NRG2: variants seen among roughly 807,000 people sequenced by gnomAD.
NRG2 encodes the protein pro-neuregulin-2, membrane-bound isoform.
Under a neutral mutation model 73.9 loss-of-function variants are expected in NRG2, and 27 were observed. The observed-to-expected ratio is 0.37, with a 90% CI of 0.27 to 0.50. The LOEUF (loss-of-function observed/expected upper bound fraction) is 0.50, where lower values mean the gene tolerates loss of function less well. NRG2 is among the 20% of genes least tolerant of loss of function. NRG2 has a pLI of 0.96. For synonymous variants in NRG2, 532 were observed against 541.0 expected (o/e 0.98, Z 0.23); for missense variants, 1,126 against 1,210.1 (o/e 0.93, Z 1.03).
At chr5:139,895,699 T>C (rs1272826149) in intron 1 of NRG2, among the ~76,000 whole-genome samples, 1 of 152,202 alleles carries the variant, frequency 6.6e-6, no homozygotes, top group African/African-American at 2.4e-5. Context: ...TTTAGAGGAA[T>C]AGAGCAAGAG....
chr5:139,872,815 T>A (rs1440686035), intron 3 of NRG2, among the ~76,000 whole-genome samples: 1 of 152,134 alleles, frequency 6.6e-6, no homozygotes, highest in Non-Finnish European at 1.5e-5. Context: ...AAGTGAACAT[T>A]CTCGCCCCAA....
intron 1 of NRG2, among the ~76,000 whole-genome samples, chr5:139,938,066 G>A (rs1752977655): frequency 6.6e-6 from 1 of 152,132 alleles, no homozygotes; most frequent in Non-Finnish European, 1.5e-5. Flanking sequence ...AGGACAGAGT[G>A]ACACCTTGTC....
At position 139,914,415 on chromosome 5, in the gene NRG2, A is replaced by C. The variant is rs536618777; in HGVS notation, c.701-26904T>G. On this transcript the variant is annotated intron_variant, in intron 1 of 9. Coordinates refer to ENST00000361474, the MANE Select transcript of NRG2 (RefSeq NM_004883.3). Reference sequence around the variant, plus strand: ...GAGTGCACACATCTGGAGTGGCCTTAAGGCCACCCCAGGCGTGGAACTCAG... The same window carrying C: ...GAGTGCACACATCTGGAGTGGCCTTCAGGCCACCCCAGGCGTGGAACTCAG... Among the ~76,000 whole-genome samples, 427 of 152,258 alleles carry C rather than the reference A, an allele frequency of 2.8e-3. 1 individual carries two copies. The highest frequency in any genetic ancestry group is 0.017 in the Middle Eastern group (5 of 294).
At chr5:139,968,691 G>A (rs900751044) in intron 1 of NRG2, among the ~76,000 whole-genome samples, 8 of 152,348 alleles carry the variant, frequency 5.3e-5, no homozygotes, top group Admixed American at 5.2e-4. Context: ...CCAACAGGCT[G>A]TGTTCTGGAC....
intron 1 of NRG2, among the ~76,000 whole-genome samples, chr5:139,951,956 G>A (rs1425517715): frequency 6.6e-6 from 1 of 152,216 alleles, no homozygotes; most frequent in Non-Finnish European, 1.5e-5. Context: ...TACATCGCCA[G>A]GAAGAAAGCA....
intron 1 of NRG2, among the ~76,000 whole-genome samples, chr5:139,938,563 G>A (rs947193640): frequency 2.0e-5 from 3 of 151,690 alleles, no homozygotes; most frequent in Admixed American, 6.6e-5. Context: ...ATGAAGTCTC[G>A]CTGTGTTCCC....
Position 139,848,575 on chromosome 5 carries a change from G to T in NRG2, c.1895C>A (p.Pro632Gln). 3.2e-6 allele frequency: 5 copies of T among 1,555,232 alleles called. No homozygotes were observed. Among genetic ancestry groups the T allele is most frequent in the Non-Finnish European group, 4.3e-6 (5 of 1,162,068 alleles). Residue 632 changes from proline to glutamine, a missense_variant, in exon 10 of 10, where the codon CCG becomes CAG. Physicochemically the swap from Pro to Gln is moderately conservative, Grantham distance 76 (BLOSUM62 -1). Coordinates refer to ENST00000361474, the MANE Select transcript of NRG2 (RefSeq NM_004883.3). ...GCGGTAACTGATGGGCGCCGCCGGC[G>T]GCAGCGACACGGCGTGCGCCGAGTT... is the stretch of plus-strand genomic sequence containing the variant. The part of the protein sequence containing the change: ...SPNSAHAVSL[P>Q]PAAPISYRLA...
intron 1 of NRG2, among the ~76,000 whole-genome samples, chr5:139,961,479 A>G (rs1755059355): frequency 6.6e-6 from 1 of 152,112 alleles, no homozygotes; most frequent in Non-Finnish European, 1.5e-5. Context: ...TGGCTGCTGC[A>G]GCCAGAAGAA....
intron 1 of NRG2, among the ~76,000 whole-genome samples, chr5:139,997,874 T>C (rs1419467496): frequency 6.6e-6 from 1 of 152,194 alleles, no homozygotes; most frequent in East Asian, 1.9e-4. Context: ...GAGAGGGCCA[T>C]GGGCCGGGTT....
Position 139,865,485 on chromosome 5 carries a change from T to TG in NRG2, c.1189+63dup. On this transcript the variant is annotated intron_variant, in intron 5 of 9. Transcript: ENST00000361474. The surrounding 1 kb of genome is among the most constrained non-coding windows in gnomAD (Gnocchi z 5.2). Reference sequence around the variant, plus strand: ...ACACCCCTGGCCCTATGCCCTACATTGGGGGGACTGCACCCAGAAGCTTTC... The same window carrying TG: ...ACACCCCTGGCCCTATGCCCTACATTGGGGGGGACTGCACCCAGAAGCTTTC... 1 of 1,262,676 alleles carries TG rather than the reference T, an allele frequency of 7.9e-7. No individual in the cohort carries two copies. The highest frequency in any genetic ancestry group is 1.2e-5 in the South Asian group (1 of 80,988). The allele number at this position is 1,262,676 out of a possible 1,614,324, so 78.2% of individuals were successfully genotyped here. A position where few individuals can be genotyped will look rare whatever the true frequency, so the allele number is the denominator to read the frequency against.
chr5:139,891,348 G>A (rs1314566762), intron 1 of NRG2, among the ~76,000 whole-genome samples: 2 of 152,150 alleles, frequency 1.3e-5, no homozygotes, highest in South Asian at 4.1e-4. Context: ...CAAAGTAATC[G>A]CCGGCCACCA....
rs556240025 is a variant in NRG2 at position 139,858,241 on chromosome 5, C to T, written c.1190-2463G>A. Reference sequence around the variant, plus strand: ...TGCTTCAGAGATGCTGGAAGTCTCTCCATCCACTGAATAAGGCAAGCCCAC... The same window carrying T: ...TGCTTCAGAGATGCTGGAAGTCTCTTCATCCACTGAATAAGGCAAGCCCAC... On this transcript the variant is annotated intron_variant, in intron 5 of 9. Transcript: ENST00000361474. Among the ~76,000 whole-genome samples, 8 of 152,270 alleles carry T rather than the reference C, an allele frequency of 5.3e-5. No individual in the cohort carries two copies. In the South Asian group the frequency reaches 6.2e-4, roughly 12 times the overall value.
intron 1 of NRG2, among the ~76,000 whole-genome samples, chr5:139,997,234 T>C (rs265150): frequency 0.92 from 139,751 of 152,290 alleles, 64,222 homozygotes; most frequent in East Asian, 0.98. Context: ...TTAATTAAGA[T>C]TTATGGGTAG....
intron 1 of NRG2, among the ~76,000 whole-genome samples, chr5:139,908,300 A>G (rs1765370313): frequency 6.6e-6 from 1 of 152,206 alleles, no homozygotes; most frequent in African/African-American, 2.4e-5. Context: ...AATGTGCAGG[A>G]TGGATGGGAA....
At chr5:139,957,129 C>A (rs983139898) in intron 1 of NRG2, among the ~76,000 whole-genome samples, 2 of 152,056 alleles carry the variant, frequency 1.3e-5, no homozygotes, top group Non-Finnish European at 2.9e-5. Context: ...TCTCAAGATC[C>A]TTCTGCCCAT....
intron 9 of NRG2, 74 bp from the exon 10 acceptor site, chr5:139,848,771 T>TGGGGGGGGGGGGGG: frequency 1.8e-5 from 1 of 54,660 alleles, no homozygotes; most frequent in East Asian, 2.7e-4. Flanking sequence ...GGGGGTGGGG[T>TGGGGGGGGGGGGGG]AGGGTGGGAG....
In NRG2 at chr5:139,848,357, A is replaced by G; in HGVS notation, c.2113T>C (p.Phe705Leu). The G allele has an allele frequency of 3.3e-6, 4 of 1,221,638 alleles. No homozygotes were observed. Among genetic ancestry groups the G allele is most frequent in the Non-Finnish European group, 4.1e-6 (4 of 984,538 alleles). 75.7% of individuals were successfully genotyped at this position (1,221,638 alleles called of 1,614,324 possible). A position where few individuals can be genotyped will look rare whatever the true frequency, so the allele number is the denominator to read the frequency against. ...GSLGSLPASP[F>L]RIPEDDEYET... ...TACTCGTCGTCCTCGGGGATGCGGA[A>G]GGGGCTGGCAGGCAGGCTGCCCAGG... is the stretch of plus-strand genomic sequence containing the variant. The change falls in exon 10 of 10, where the codon TTC (phenylalanine) becomes CTC (leucine). Residue 705 changes from phenylalanine (F) to leucine (L), a missense_variant. Phe to Leu is a conservative substitution (Grantham distance 22). Coordinates refer to ENST00000361474, the MANE Select transcript of NRG2 (RefSeq NM_004883.3).
intron 1 of NRG2, among the ~76,000 whole-genome samples, chr5:139,950,547 A>G (rs1231081964): frequency 2.6e-5 from 4 of 152,236 alleles, no homozygotes; most frequent in African/African-American, 9.6e-5. Context: ...GAACCAGAGT[A>G]GGAGGAGGGT....
In NRG2 at chr5:139,853,478, C is replaced by T. The variant is rs1349383857; in HGVS notation, c.1293-451G>A. On this transcript the variant is annotated intron_variant, in intron 6 of 9. Transcript: ENST00000361474. The surrounding 1 kb of genome is among the most constrained non-coding windows in gnomAD (Gnocchi z 4.1). ...GCCAGACACTGTTTTGGAGCAGAGACAATAGATAGGTAGATAGGGAATCCA... is the reference window on the plus strand; with the variant it reads ...GCCAGACACTGTTTTGGAGCAGAGATAATAGATAGGTAGATAGGGAATCCA... Among the ~76,000 whole-genome samples the T allele has an allele frequency of 1.3e-5, 2 of 152,114 alleles. No individual in the cohort carries two copies. Among genetic ancestry groups the T allele is most frequent in the Non-Finnish European group, 2.9e-5 (2 of 68,018 alleles).
Sources: gnomAD v4.1 joint callset for allele counts (sites outside exome capture counted in the v4.1 genomes callset) on GRCh38, gnomAD v4.1.1 for gene constraint, Gnocchi (gnomAD v3.1) non-coding constraint, MANE v1.5 for transcripts, NCBI Gene and HGNC (gene_info 2026-07-23, HGNC 2026-07-21) for gene names.